CARF: variants seen among roughly 807,000 people sequenced by gnomAD.
The protein encoded by CARF is calcium-responsive transcription factor.
Under a neutral mutation model 82.0 loss-of-function variants are expected in CARF, and 57 were observed. The ratio of observed to expected loss-of-function variants is 0.70; its 90% CI spans 0.56 to 0.87. The LOEUF is 0.87. Among genes scored for constraint, CARF ranks in the 40% least tolerant of loss-of-function variants. The pLI is 0.00. For synonymous variants in CARF, 268 were observed against 290.1 expected, an observed-to-expected ratio of 0.92 and a Z score of 0.77; for missense variants, 771 against 855.8, an observed-to-expected ratio of 0.90 and a Z score of 1.24.
At chr2:202,976,598 A>G (rs1040234218) in intron 13 of CARF, among the ~76,000 whole-genome samples, 1 of 152,232 alleles carries the variant, frequency 6.6e-6, no homozygotes, top group African/African-American at 2.4e-5. Flanking sequence ...TGATTATGCC[A>G]TTAAAATCTG....
intron 9 of CARF, among the ~76,000 whole-genome samples, chr2:202,963,936 C>T (rs1559254631): frequency 6.6e-6 from 1 of 152,166 alleles, no homozygotes; most frequent in African/African-American, 2.4e-5. Context: ...TCCTGCTGTG[C>T]GGCCTGGTTC....
In CARF at chr2:202,971,680, A is replaced by T; in HGVS notation, c.1273A>T (p.Ile425Phe). 6.2e-7 allele frequency: 1 copy of T among 1,613,604 alleles called. No individual in the cohort carries two copies. The highest frequency in any genetic ancestry group is 1.7e-5 in the Admixed American group (1 of 60,012). The change falls in exon 12 of 17, where the codon ATT becomes TTT. Residue 425 changes from isoleucine (I) to phenylalanine (F), a missense_variant. Transcript: ENST00000438828. ...TTTACATCCTCAAGTAGCACATAAGATTCAAGAATTAGTATCACAGGGAAT... is the reference window on the plus strand; with the variant it reads ...TTTACATCCTCAAGTAGCACATAAGTTTCAAGAATTAGTATCACAGGGAAT... ...SRLHPQVAHK[I>F]QELVSQGIEQ... is the part of the protein sequence containing the mutation.
At chr2:202,940,095 G>A (rs1327177512) in intron 3 of CARF, among the ~76,000 whole-genome samples, 1 of 151,970 alleles carries the variant, frequency 6.6e-6, no homozygotes, top group Non-Finnish European at 1.5e-5. Context: ...GTGCAGTGGC[G>A]CCATCTCAGC....
At chr2:202,916,981 CG>C (rs1349911785) in intron 1 of CARF, among the ~76,000 whole-genome samples, 1 of 152,002 alleles carries the variant, frequency 6.6e-6, no homozygotes, top group Non-Finnish European at 1.5e-5. Flanking sequence ...GAGGCCGAGG[CG>C]GGCGGATCAC....
chr2:202,980,349 G>T (rs932377662), intron 14 of CARF, among the ~76,000 whole-genome samples: 1 of 151,844 alleles, frequency 6.6e-6, no homozygotes, highest in Non-Finnish European at 1.5e-5. Context: ...CCTACAATTA[G>T]TTTAAATTTG....
Position 202,937,869 on chromosome 2 carries a change from C to A in CARF, c.-43-3991C>A, listed in dbSNP as rs1055552369. Reference sequence around the variant, plus strand: ...CAAACTCCTGACCTCAGGTGATCCACCTGCCTCAGCCTCCCAAAGTGCAGG... The same window carrying A: ...CAAACTCCTGACCTCAGGTGATCCAACTGCCTCAGCCTCCCAAAGTGCAGG... On this transcript the variant is annotated intron_variant, in intron 3 of 16. Coordinates refer to ENST00000438828, the MANE Select transcript of CARF (RefSeq NM_024744.17). 2.6e-5 allele frequency among the ~76,000 whole-genome samples: 4 copies of A among 151,834 alleles called. 1 individual carries two copies. The highest frequency in any genetic ancestry group is 5.9e-5 in the Non-Finnish European group (4 of 67,998).
In CARF at chr2:202,961,730, T is replaced by C. The variant is rs142531633; in HGVS notation, c.832+304T>C. 603 of 433,554 alleles carry C rather than the reference T, an allele frequency of 1.4e-3. 4 individuals carry two copies. The highest frequency in any genetic ancestry group is 0.012 in the African/African-American group (562 of 48,764). The allele number at this position is 433,554 out of a possible 1,614,324, so 26.9% of individuals were successfully genotyped here. A position where few individuals can be genotyped will look rare whatever the true frequency, so the allele number is the denominator to read the frequency against. On this transcript the variant is annotated intron_variant, in intron 9 of 16. Transcript: ENST00000438828. ...TAAAAGAGCAATTTTATTTTAAATA[T>C]GTACATCAGCTGTGTTTTTCCCCTT...
intron 3 of CARF, among the ~76,000 whole-genome samples, chr2:202,940,171 T>C (rs961002505): frequency 2.7e-4 from 41 of 152,188 alleles, no homozygotes; most frequent in African/African-American, 9.4e-4. Flanking sequence ...GTAGTGAGGA[T>C]TACAGGCATG....
intron 8 of CARF, among the ~76,000 whole-genome samples, chr2:202,959,292 T>C (rs1311401431): frequency 6.6e-6 from 1 of 152,198 alleles, no homozygotes; most frequent in Non-Finnish European, 1.5e-5. Flanking sequence ...TTAGAGGAAA[T>C]TGCAGATAAT....
chr2:202,961,364 C>T lies in CARF; in HGVS notation c.770C>T (p.Ala257Val). ...TRQSPSPAKP[A>V]TRLMWKSQYV... ...CAGTCTCCAAGCCCAGCCAAGCCTG[C>T]TACACGCTTGATGTGGAAATCCCAG... Residue 257 changes from alanine to valine, a missense_variant, in exon 9 of 17, where the codon GCT (alanine) becomes GTT (valine). By Grantham distance (64) the Ala-to-Val change is moderately conservative (BLOSUM62 0). Coordinates refer to ENST00000438828, the MANE Select transcript of CARF (RefSeq NM_024744.17). The T allele has an allele frequency of 6.2e-7, 1 of 1,614,148 alleles. No individual in the cohort carries two copies. The highest frequency in any genetic ancestry group is 1.1e-5 in the South Asian group (1 of 91,088).
At chr2:202,979,196 G>A (rs1457150476) in intron 14 of CARF, among the ~76,000 whole-genome samples, 1 of 152,158 alleles carries the variant, frequency 6.6e-6, no homozygotes, top group Non-Finnish European at 1.5e-5. Flanking sequence ...GGCAGAGGTT[G>A]CAGTGAGCTG....
At chr2:202,952,104 TA>T (rs1478508736) in intron 5 of CARF, among the ~76,000 whole-genome samples, 1 of 152,212 alleles carries the variant, frequency 6.6e-6, no homozygotes, top group East Asian at 1.9e-4. Flanking sequence ...GTGCTAGGAT[TA>T]CAGGTATGAG....
chr2:202,966,676 C>CTCCA (rs1450955736), intron 9 of CARF, among the ~76,000 whole-genome samples: 1 of 151,878 alleles, frequency 6.6e-6, no homozygotes, highest in African/African-American at 2.4e-5. Flanking sequence ...CGCCACTGTG[C>CTCCA]TCCAGCCTGG....
At chr2:202,977,123 T>G in intron 13 of CARF, 146 bp from the exon 14 acceptor site, 1 of 630,274 alleles carries the variant, frequency 1.6e-6, no homozygotes. Context: ...AAAGTATACT[T>G]GTGCTTGAAG....
chr2:202,977,414 C>A, intron 14 of CARF, 82 bp downstream of exon 14: 1 of 1,049,176 alleles, frequency 9.5e-7, no homozygotes, highest in Non-Finnish European at 1.5e-6. Context: ...CTCATCTAAT[C>A]AAATTTTATA....
At chr2:202,920,499 T>C (rs1054943067) in intron 2 of CARF, among the ~76,000 whole-genome samples, 1 of 152,170 alleles carries the variant, frequency 6.6e-6, no homozygotes, top group Non-Finnish European at 1.5e-5. Context: ...TGCTTATATT[T>C]TAAAAGTCAA....
chr2:202,917,652 T>G (rs532384582), intron 1 of CARF, among the ~76,000 whole-genome samples: 1 of 152,138 alleles, frequency 6.6e-6, no homozygotes, highest in Non-Finnish European at 1.5e-5. Flanking sequence ...AATACCTGAT[T>G]TTAGACAAGG....
At chr2:202,970,172 T>A (rs903889847) in intron 11 of CARF, 110 bp downstream of exon 11, 3 of 1,037,330 alleles carry the variant, frequency 2.9e-6, no homozygotes, top group Non-Finnish European at 2.8e-6. Flanking sequence ...AGTAACGGTT[T>A]TATAAGGTAG....
intron 7 of CARF, among the ~76,000 whole-genome samples, chr2:202,955,455 GGAA>G (rs1383270395): frequency 6.6e-6 from 1 of 152,158 alleles, no homozygotes; most frequent in East Asian, 1.9e-4. Context: ...ACGTGTATCT[GGAA>G]GAAGAAATTT....
Sources: allele counts gnomAD v4.1 joint callset (sites outside exome capture counted in the v4.1 genomes callset), GRCh38; gene constraint gnomAD v4.1.1; transcripts MANE v1.5; gene names NCBI Gene and HGNC (gene_info 2026-07-23, HGNC 2026-07-21).